ANKDD1A: variants seen among roughly 807,000 people sequenced by gnomAD.
ANKDD1A encodes the protein ankyrin repeat and death domain containing 1A, also known as ankyrin repeat and death domain-containing protein 1A.
ANKDD1A carries 59 observed loss-of-function variants against 63.5 expected under a neutral mutation model. That is an observed-to-expected ratio of 0.93 (90% CI 0.75 to 1.15). ANKDD1A has a LOEUF of 1.15. Among genes scored for constraint, ANKDD1A ranks in the 50% most tolerant of loss-of-function variants. The pLI is 0.00. For missense variants in ANKDD1A, 632 were observed against 656.4 expected (o/e 0.96, Z 0.41); for synonymous variants, 266 against 263.9 (o/e 1.01, Z -0.08).
At chr15:64,952,864 T>TTCC (rs1491089835) in intron 14 of ANKDD1A, among the ~76,000 whole-genome samples, 11 of 139,276 alleles carry the variant, frequency 7.9e-5, no homozygotes, top group South Asian at 5.9e-4. Context: ...CTCCTTCTTC[T>TTCC]TTTCTTCTCT....
intron 13 of ANKDD1A, among the ~76,000 whole-genome samples, chr15:64,948,876 T>G (rs2085245926): frequency 6.6e-6 from 1 of 152,146 alleles, no homozygotes; most frequent in Non-Finnish European, 1.5e-5. Flanking sequence ...AATTGACATT[T>G]GCATATCAAT....
chr15:64,912,045 G>C, intron 1 of ANKDD1A, 81 bp downstream of exon 1: 1 of 1,218,038 alleles, frequency 8.2e-7, no homozygotes, highest in Non-Finnish European at 1.0e-6. Context: ...CCAGGGGTGA[G>C]GTTGGCGCCC....
chr15:64,936,786 G>T (rs2085137175), intron 9 of ANKDD1A, among the ~76,000 whole-genome samples: 1 of 152,172 alleles, frequency 6.6e-6, no homozygotes, highest in Admixed American at 6.5e-5. Context: ...TGAGGCTGCA[G>T]TGAGCTGTGA....
At chr15:64,944,605 C>A (rs2085209218) in intron 11 of ANKDD1A, 47 bp from the exon 12 acceptor site, 2 of 1,563,212 alleles carry the variant, frequency 1.3e-6, no homozygotes, top group Admixed American at 1.8e-5. Flanking sequence ...CCCTTGTGTA[C>A]CCCTCCTGTA....
At chr15:64,937,691 G>C (rs939943270) in intron 9 of ANKDD1A, among the ~76,000 whole-genome samples, 1 of 152,016 alleles carries the variant, frequency 6.6e-6, no homozygotes, top group Non-Finnish European at 1.5e-5. Context: ...TTGTGCCACT[G>C]TACTCCAGCC....
chr15:64,947,672 G>T, intron 13 of ANKDD1A, 79 bp downstream of exon 13: 1 of 1,512,058 alleles, frequency 6.6e-7, no homozygotes, highest in Non-Finnish European at 8.9e-7. Flanking sequence ...AGTTTTCTGT[G>T]CTTCTGGTGA....
chr15:64,949,422 C>T (rs1005677662), intron 13 of ANKDD1A, among the ~76,000 whole-genome samples: 2 of 152,156 alleles, frequency 1.3e-5, no homozygotes, highest in Admixed American at 6.5e-5. Flanking sequence ...AAGCTGTATT[C>T]TCATCTGTAA....
Position 64,911,946 on chromosome 15 carries a change from G to A in ANKDD1A, c.16G>A (p.Ala6Thr), listed in dbSNP as rs1426738853. 2 of 1,223,094 alleles carry A rather than the reference G, an allele frequency of 1.6e-6. No homozygotes were observed. The highest frequency in any genetic ancestry group is 3.9e-5 in the South Asian group (1 of 25,544). 75.8% of individuals were successfully genotyped at this position (1,223,094 alleles called of 1,614,324 possible). A position where few individuals can be genotyped will look rare whatever the true frequency, so the allele number is the denominator to read the frequency against. ...GAGCGGCAGGATGCAGGAGGAGCTG[G>A]CGTGGGAGACCGACGGCCGTGAGTC... MQEEL[A>T]WETDGLLPLE... Residue 6 changes from alanine (A) to threonine (T), a missense_variant, in exon 1 of 15, where the codon GCG becomes ACG. Transcript: ENST00000319580.
intron 14 of ANKDD1A, chr15:64,950,781 A>G: frequency 3.1e-6 from 3 of 974,422 alleles, no homozygotes; most frequent in Non-Finnish European, 3.6e-6. Flanking sequence ...GGAAAAGCTA[A>G]GACTCATTTC....
chr15:64,940,787 G>C (rs1465552215), intron 9 of ANKDD1A, among the ~76,000 whole-genome samples: 2 of 152,042 alleles, frequency 1.3e-5, no homozygotes, highest in African/African-American at 4.8e-5. Flanking sequence ...TGCCCAGGTT[G>C]GAGTGCAGTG....
rs772860724 is a variant in ANKDD1A at position 64,947,393 on chromosome 15, C to T, written c.1162-11C>T. ...GGGAGAGCTTCTGCACTTTTGGGAT[C>T]TGCCCCACAGGACCACCCCAGTGAT... On this transcript the variant is annotated splice_polypyrimidine_tract_variant and intron_variant, in intron 12 of 14. Transcript: ENST00000319580. 1 of 1,607,336 alleles carries T rather than the reference C, an allele frequency of 6.2e-7. No homozygotes were observed.
chr15:64,945,667 C>T (rs1566913790), intron 12 of ANKDD1A, among the ~76,000 whole-genome samples: 1 of 64,374 alleles, frequency 1.6e-5, no homozygotes, highest in Non-Finnish European at 2.9e-5. Flanking sequence ...GAGTCTCACT[C>T]TGTCACCCAG....
chr15:64,954,186 CCTT>C (rs1285546046), intron 14 of ANKDD1A, among the ~76,000 whole-genome samples: 8 of 50,258 alleles, frequency 1.6e-4, no homozygotes, highest in Non-Finnish European at 2.4e-4. Flanking sequence ...TTCTTCTTCT[CCTT>C]CTTTCTTGTT....
At chr15:64,953,022 T>C (rs1472762205) in intron 14 of ANKDD1A, among the ~76,000 whole-genome samples, 6 of 130,952 alleles carry the variant, frequency 4.6e-5, no homozygotes, top group African/African-American at 1.7e-4. Context: ...TCCTTGTTCT[T>C]CTCCTCCTTC....
At chr15:64,928,332 G>T (rs906361894) in intron 6 of ANKDD1A, among the ~76,000 whole-genome samples, 19 of 152,254 alleles carry the variant, frequency 1.2e-4, no homozygotes, top group African/African-American at 3.9e-4. Context: ...CATGCAAAGA[G>T]CGGGGAGGGC....
chr15:64,931,880 T>A, intron 8 of ANKDD1A: 1 of 520,150 alleles, frequency 1.9e-6, no homozygotes, highest in Non-Finnish European at 3.4e-6. Flanking sequence ...AACACCTCAA[T>A]ACCTGTTAGT....
intron 7 of ANKDD1A, 144 bp from the exon 8 acceptor site, chr15:64,931,343 G>C (rs1041381457): frequency 1.6e-5 from 11 of 705,952 alleles, no homozygotes; most frequent in Non-Finnish European, 2.3e-5. Flanking sequence ...AAACAAGAAA[G>C]TTCATTGTTC....
At chr15:64,929,822 G>A (rs986620070) in intron 6 of ANKDD1A, among the ~76,000 whole-genome samples, 2 of 152,072 alleles carry the variant, frequency 1.3e-5, no homozygotes, top group Admixed American at 1.3e-4. Flanking sequence ...CAGCAAGAAG[G>A]GTCAGACACA....
chr15:64,947,321 G>C, intron 12 of ANKDD1A, 83 bp from the exon 13 acceptor site: 1 of 1,420,718 alleles, frequency 7.0e-7, no homozygotes, highest in Non-Finnish European at 9.6e-7. Flanking sequence ...GGTGGTAGGA[G>C]GGTCATAGGG....
Sources: gnomAD v4.1 joint callset for allele counts (sites outside exome capture counted in the v4.1 genomes callset) on GRCh38, gnomAD v4.1.1 for gene constraint, MANE v1.5 for transcripts, NCBI Gene and HGNC (gene_info 2026-07-23, HGNC 2026-07-21) for gene names.